SAP30L: variants seen among roughly 807,000 people sequenced by gnomAD.
The protein encoded by SAP30L is SAP30 like, also known as histone deacetylase complex subunit SAP30L.
In SAP30L, 10 loss-of-function variants were observed where a neutral mutation model predicts 22.3. That is an observed-to-expected ratio of 0.45 (90% CI 0.28 to 0.76). SAP30L has a LOEUF of 0.76. Among genes scored for constraint, SAP30L ranks in the 30% least tolerant of loss-of-function variants. SAP30L has a pLI of 0.14. For missense variants in SAP30L, 206 were observed against 237.9 expected (o/e 0.87, Z 0.88); for synonymous variants, 91 against 94.1 (o/e 0.97, Z 0.19).
At chr5:154,446,991 A>G (rs112808121) in intron 1 of SAP30L, among the ~76,000 whole-genome samples, 186 bp downstream of exon 1, 10 of 152,302 alleles carry the variant, frequency 6.6e-5, no homozygotes, top group African/African-American at 9.6e-5. Context: ...CTGTGATTCT[A>G]CCCAGATCCG....
intron 1 of SAP30L, among the ~76,000 whole-genome samples, chr5:154,447,075 T>C (rs75854906): frequency 0.13 from 19,530 of 152,328 alleles, 1,564 homozygotes; most frequent in East Asian, 0.29. Context: ...CTTGTTTTAT[T>C]GGTTTAGACT....
chr5:154,452,768 G>A (rs1582042627), intron 2 of SAP30L, among the ~76,000 whole-genome samples: 3 of 152,300 alleles, frequency 2.0e-5, no homozygotes, highest in East Asian at 1.9e-4. Flanking sequence ...TCCTCTATCC[G>A]GTCGCTGCCT....
At chr5:154,449,417 T>G (rs1180941116) in intron 1 of SAP30L, among the ~76,000 whole-genome samples, 1 of 152,160 alleles carries the variant, frequency 6.6e-6, no homozygotes, top group Non-Finnish European at 1.5e-5. Context: ...TTGGGGTCAA[T>G]GGGATTGCAC....
In SAP30L at chr5:154,456,637, G is replaced by A. The variant is rs1270229160; in HGVS notation, c.*609G>A. ...GTAACATCCGCTTCACACCTCTCAT[G>A]ACTGAGACCTCTGCCATTTCTGTTG... On this transcript the variant is annotated 3_prime_UTR_variant, in exon 4 of 4. Transcript: ENST00000297109. 1 of 152,288 alleles carries A rather than the reference G, an allele frequency of 6.6e-6. No individual in the cohort carries two copies. The highest frequency in any genetic ancestry group is 2.4e-5 in the African/African-American group (1 of 41,450). 9.4% of individuals were successfully genotyped at this position (152,288 alleles called of 1,614,324 possible).
chr5:154,452,238 G>A (rs950761596), intron 2 of SAP30L, among the ~76,000 whole-genome samples: 21 of 151,982 alleles, frequency 1.4e-4, no homozygotes, highest in African/African-American at 5.1e-4. Flanking sequence ...TGAAAATCTG[G>A]CCCTTTCCCT....
At chr5:154,449,054 T>G (rs1175346803) in intron 1 of SAP30L, among the ~76,000 whole-genome samples, 1 of 152,198 alleles carries the variant, frequency 6.6e-6, no homozygotes, top group Non-Finnish European at 1.5e-5. Flanking sequence ...CTCTGAAATT[T>G]CTGAAAACCA....
In SAP30L at chr5:154,456,065, T is replaced by TTGA; in HGVS notation, c.*40_*42dup. ...ATCTTAAAGGAATGAAGTGTAATGC[T>TTGA]TGATGCACAGGTGATATCTACTACA... On this transcript the variant is annotated 3_prime_UTR_variant, in exon 4 of 4. Transcript: ENST00000297109. The TTGA allele has an allele frequency of 6.2e-7, 1 of 1,603,010 alleles. No homozygotes were observed. Among genetic ancestry groups the TTGA allele is most frequent in the Admixed American group, 1.7e-5 (1 of 57,950 alleles).
chr5:154,453,191 G>T (rs1164153443), intron 2 of SAP30L: 10 of 474,870 alleles, frequency 2.1e-5, no homozygotes, highest in Non-Finnish European at 3.7e-5. Flanking sequence ...CCAGTTTTGT[G>T]AGATCAGCCC....
At position 154,460,779 on chromosome 5, in the gene SAP30L, G is replaced by A. The variant is rs1161752643; in HGVS notation, c.*4751G>A. 6.6e-6 allele frequency: 1 copy of A among 152,128 alleles called. No individual in the cohort carries two copies. The highest frequency in any genetic ancestry group is 1.5e-5 in the Non-Finnish European group (1 of 68,030). The allele number at this position is 152,128 out of a possible 1,614,324, so 9.4% of individuals were successfully genotyped here. A position where few individuals can be genotyped will look rare whatever the true frequency, so the allele number is the denominator to read the frequency against. ...CTACGCTCATCAGAGTATATTTTGG[G>A]GTACAAGGTTTTGGGGGTTTTTTTT... On this transcript the variant is annotated 3_prime_UTR_variant, in exon 4 of 4. Coordinates refer to ENST00000297109, the MANE Select transcript of SAP30L (RefSeq NM_024632.6).
chr5:154,455,310 G>A (rs1163517833), intron 3 of SAP30L, among the ~76,000 whole-genome samples: 3 of 152,136 alleles, frequency 2.0e-5, no homozygotes, highest in African/African-American at 4.8e-5. Flanking sequence ...AACCTCCTGG[G>A]CTCAAGTGAT....
chr5:154,449,614 C>A (rs1757097302), intron 1 of SAP30L, among the ~76,000 whole-genome samples: 1 of 152,150 alleles, frequency 6.6e-6, no homozygotes, highest in Non-Finnish European at 1.5e-5. Context: ...GGGCTAGCTT[C>A]CTCTCAGGGA....
At chr5:154,455,860 T>TGCA (rs777116834) in intron 3 of SAP30L, 40 bp from the exon 4 acceptor site, 1 of 1,580,244 alleles carries the variant, frequency 6.3e-7, no homozygotes, top group Non-Finnish European at 8.6e-7. Flanking sequence ...GTGTGATTTG[T>TGCA]GCATGGTTTA....
intron 3 of SAP30L, 101 bp from the exon 4 acceptor site, chr5:154,455,799 C>A: frequency 7.1e-7 from 1 of 1,408,230 alleles, no homozygotes; most frequent in Non-Finnish European, 9.5e-7. Context: ...TCATTCCCGC[C>A]ACAGCATGCA....
At chr5:154,455,547 G>T (rs975892233) in intron 3 of SAP30L, among the ~76,000 whole-genome samples, 4 of 152,178 alleles carry the variant, frequency 2.6e-5, no homozygotes, top group Non-Finnish European at 5.9e-5. Context: ...CACTTTCAAG[G>T]CCTGAGAGGT....
intron 2 of SAP30L, 137 bp from the exon 3 acceptor site, chr5:154,453,265 T>C (rs147778814): frequency 6.3e-6 from 4 of 631,618 alleles, no homozygotes; most frequent in Admixed American, 2.8e-5. Flanking sequence ...TAGTCCTCAA[T>C]AGACCATTTC....
chr5:154,452,345 G>A (rs1057246335), intron 2 of SAP30L: 30 of 293,040 alleles, frequency 1.0e-4, no homozygotes, highest in Non-Finnish European at 1.3e-4. Flanking sequence ...GGACGTATTC[G>A]ATTTCTAAGT....
intron 1 of SAP30L, among the ~76,000 whole-genome samples, chr5:154,447,054 G>A (rs1183931088): frequency 6.6e-6 from 1 of 152,286 alleles, no homozygotes. Flanking sequence ...AGATTGGACA[G>A]CAGTTTCCAA....
intron 1 of SAP30L, among the ~76,000 whole-genome samples, chr5:154,447,932 TC>T (rs1332886271): frequency 2.0e-5 from 3 of 150,338 alleles, no homozygotes; most frequent in Admixed American, 2.0e-4. Context: ...ATAAAAAATC[TC>T]CCCTGTCCTT....
Position 154,458,056 on chromosome 5 carries a change from C to G in SAP30L, c.*2028C>G, listed in dbSNP as rs573497453. On this transcript the variant is annotated 3_prime_UTR_variant, in exon 4 of 4. Coordinates refer to ENST00000297109, the MANE Select transcript of SAP30L (RefSeq NM_024632.6). ...ATTTCTTTAGCAGCAAATCTGTTTT[C>G]CCAGTTGAGAGAGACAATAGCTTCT... The G allele has an allele frequency of 7.3e-4, 111 of 152,290 alleles. No individual in the cohort carries two copies. Among genetic ancestry groups the G allele is most frequent in the African/African-American group, 2.5e-3 (103 of 41,544 alleles). 9.4% of individuals were successfully genotyped at this position (152,290 alleles called of 1,614,324 possible). A position where few individuals can be genotyped will look rare whatever the true frequency, so the allele number is the denominator to read the frequency against.
Sources: gnomAD v4.1 joint callset for allele counts (sites outside exome capture counted in the v4.1 genomes callset) on GRCh38, gnomAD v4.1.1 for gene constraint, MANE v1.5 for transcripts, NCBI Gene and HGNC (gene_info 2026-07-23, HGNC 2026-07-21) for gene names.